Variants in SUGCT observed in about 807,000 individuals in gnomAD.
SUGCT encodes the protein succinyl-CoA:glutarate CoA-transferase.
SUGCT carries 41 observed loss-of-function variants against 55.0 expected under a neutral mutation model. The observed-to-expected ratio is 0.74, with a 90% CI of 0.58 to 0.97. The LOEUF is 0.97. Among genes scored for constraint, SUGCT ranks in the 50% least tolerant of loss-of-function variants. The pLI is 0.00. For synonymous variants in SUGCT, 187 were observed against 200.4 expected, an observed-to-expected ratio of 0.93 and a Z score of 0.56; for missense variants, 568 against 547.8, an observed-to-expected ratio of 1.04 and a Z score of -0.37.
At chr7:40,283,153 T>C (rs1048856746) in intron 8 of SUGCT, among the ~76,000 whole-genome samples, 6 of 151,780 alleles carry the variant, frequency 4.0e-5, no homozygotes, top group African/African-American at 9.7e-5. Flanking sequence ...GGGGTTGTTA[T>C]CCAAAATATA....
chr7:40,943,638 C>T, the SUGCT span, among the ~76,000 whole-genome samples: 1 of 150,408 alleles, frequency 6.6e-6, no homozygotes, highest in Non-Finnish European at 1.5e-5. Flanking sequence ...GCATAGTATT[C>T]ATGGTGTATA....
chr7:40,439,064 G>GTGTGTGTGTA (rs1283539157), intron 9 of SUGCT, among the ~76,000 whole-genome samples: 11 of 27,192 alleles, frequency 4.0e-4, no homozygotes, highest in African/African-American at 1.4e-3. Context: ...TATATATGGT[G>GTGTGTGTGTA]TATATATATA....
chr7:40,469,749 C>T (rs918402876), intron 11 of SUGCT, among the ~76,000 whole-genome samples: 2 of 151,938 alleles, frequency 1.3e-5, no homozygotes, highest in African/African-American at 4.8e-5. Flanking sequence ...GGCTATAAAC[C>T]ATTCCACACT....
At chr7:40,715,623 C>T (rs192591057) in intron 12 of SUGCT, among the ~76,000 whole-genome samples, 1 of 152,320 alleles carries the variant, frequency 6.6e-6, no homozygotes, top group East Asian at 1.9e-4. Context: ...AAGAATCATC[C>T]CAGACTTCTC....
the SUGCT span, among the ~76,000 whole-genome samples, chr7:40,874,960 A>G: frequency 1.3e-5 from 2 of 152,274 alleles, no homozygotes; most frequent in Non-Finnish European, 2.9e-5. Context: ...AGATTTAGGC[A>G]GATCCCATAT....
chr7:40,483,080 A>G (rs1791143322), intron 11 of SUGCT, among the ~76,000 whole-genome samples: 1 of 152,232 alleles, frequency 6.6e-6, no homozygotes, highest in African/African-American at 2.4e-5. Flanking sequence ...TACAGGAAAT[A>G]TTAAATCTGT....
At chr7:40,959,259 G>A in the SUGCT span, among the ~76,000 whole-genome samples, 1 of 152,242 alleles carries the variant, frequency 6.6e-6, no homozygotes, top group African/African-American at 2.4e-5. Flanking sequence ...TGCTGAAGCT[G>A]TGCCCACAGC....
At chr7:40,783,308 A>G (rs1003383735) in intron 13 of SUGCT, among the ~76,000 whole-genome samples, 2 of 152,140 alleles carry the variant, frequency 1.3e-5, no homozygotes, top group African/African-American at 4.8e-5. Context: ...GGAATCCCAT[A>G]CAGAATGAGA....
At chr7:40,641,210 A>T (rs1800256061) in intron 12 of SUGCT, among the ~76,000 whole-genome samples, 1 of 152,214 alleles carries the variant, frequency 6.6e-6, no homozygotes, top group Admixed American at 6.5e-5. Context: ...CCAAAGGATA[A>T]GACATTTGGC....
chr7:41,007,180 T>C, the SUGCT span, among the ~76,000 whole-genome samples: 5 of 152,074 alleles, frequency 3.3e-5, no homozygotes, highest in African/African-American at 1.2e-4. Context: ...TTGATGACAA[T>C]AAAACACAGA....
chr7:40,486,364 T>C (rs1791349460), intron 11 of SUGCT, among the ~76,000 whole-genome samples: 1 of 152,174 alleles, frequency 6.6e-6, no homozygotes, highest in Admixed American at 6.5e-5. Flanking sequence ...GTCTTCTTCT[T>C]TAAAGAACTT....
chr7:40,992,347 A>G, the SUGCT span, among the ~76,000 whole-genome samples: 1 of 152,164 alleles, frequency 6.6e-6, no homozygotes, highest in Non-Finnish European at 1.5e-5. Context: ...ACCAGAGGTC[A>G]CTTTCATGGC....
chr7:40,743,291 A>G (rs551932429), intron 12 of SUGCT, among the ~76,000 whole-genome samples: 1 of 152,332 alleles, frequency 6.6e-6, no homozygotes, highest in South Asian at 2.1e-4. Context: ...AGAGAACTCT[A>G]GGCATTCATT....
At chr7:40,368,042 CCAGCACCCCTT>C (rs1784101146) in intron 9 of SUGCT, among the ~76,000 whole-genome samples, 1 of 152,204 alleles carries the variant, frequency 6.6e-6, no homozygotes, top group African/African-American at 2.4e-5. Flanking sequence ...TAGAGCACTT[CCAGCACCCCTT>C]CACTAGGAAA....
At chr7:40,301,008 C>A (rs191317961) in intron 8 of SUGCT, among the ~76,000 whole-genome samples, 48 of 152,294 alleles carry the variant, frequency 3.2e-4, no homozygotes, top group Admixed American at 9.2e-4. Flanking sequence ...ACACAGTTGT[C>A]ATGCAAACTC....
At chr7:40,248,978 A>G (rs1481275824) in intron 7 of SUGCT, among the ~76,000 whole-genome samples, 1 of 150,430 alleles carries the variant, frequency 6.6e-6, no homozygotes, top group Non-Finnish European at 1.5e-5. Context: ...ATTCAACTGT[A>G]TTTGCTATGG....
chr7:40,215,641 T>A (rs894785300), intron 6 of SUGCT, among the ~76,000 whole-genome samples: 22 of 152,170 alleles, frequency 1.4e-4, no homozygotes, highest in Admixed American at 6.5e-4. Flanking sequence ...GGCGGGTGGA[T>A]CACGAGGTCA....
intron 12 of SUGCT, among the ~76,000 whole-genome samples, chr7:40,536,825 G>A (rs1040362368): frequency 2.6e-5 from 4 of 152,200 alleles, no homozygotes; most frequent in Admixed American, 2.0e-4. Context: ...AGCTTCTTAA[G>A]CTCTCGTATG....
At chr7:41,036,193 C>T in the SUGCT span, among the ~76,000 whole-genome samples, 2 of 152,118 alleles carry the variant, frequency 1.3e-5, no homozygotes, top group African/African-American at 4.8e-5. Flanking sequence ...AGTGGATGAG[C>T]GAGTGCATGG....
Sources: allele counts gnomAD v4.1 joint callset (sites outside exome capture counted in the v4.1 genomes callset), GRCh38; gene constraint gnomAD v4.1.1; transcripts MANE v1.5; gene names NCBI Gene and HGNC (gene_info 2026-07-23, HGNC 2026-07-21).